The following EIF4G3 variants were observed in gnomAD, a reference collection of about 807,000 sequenced individuals.
EIF4G3 encodes the protein eIF-4-gamma 3.
EIF4G3 carries 34 observed loss-of-function variants against 186.4 expected under a neutral mutation model. That is an observed-to-expected ratio of 0.18 (90% CI 0.14 to 0.24). The LOEUF (loss-of-function observed/expected upper bound fraction) is 0.24, where lower values mean the gene tolerates loss of function less well. Ranked by LOEUF, EIF4G3 falls within the 10% of genes least tolerant of loss-of-function variation. The pLI is 1.00. For missense variants in EIF4G3, 1,536 were observed against 1,948.5 expected (o/e 0.79, Z 3.99); for synonymous variants, 673 against 679.5 (o/e 0.99, Z 0.15).
intron 30 of EIF4G3, among the ~76,000 whole-genome samples, chr1:20,833,949 T>C (rs1036247344): frequency 2.6e-5 from 4 of 152,100 alleles, no homozygotes; most frequent in African/African-American, 9.7e-5. Flanking sequence ...AAGAAAAATA[T>C]TTAAAAATTT....
rs190677228 is a variant in EIF4G3, at chr1:20,859,298, T to C, written c.3244+1087A>G. 6.6e-5 allele frequency among the ~76,000 whole-genome samples: 10 copies of C among 152,300 alleles called. No individual in the cohort carries two copies. In the East Asian group the frequency reaches 1.9e-3, roughly 29 times the overall value. ...ATCTGGTTCAATAATAAATAAAAGTTATTACCCAAAAGGCACTGCACTAGG... is the reference window on the plus strand; with the variant it reads ...ATCTGGTTCAATAATAAATAAAAGTCATTACCCAAAAGGCACTGCACTAGG... On this transcript the variant is annotated intron_variant, in intron 24 of 36. Coordinates refer to ENST00000602326, the MANE Select transcript of EIF4G3 (RefSeq NM_001391906.1).
intron 7 of EIF4G3, chr1:20,988,549 T>C (rs1184871456): frequency 2.0e-5 from 3 of 153,512 alleles, no homozygotes; most frequent in Non-Finnish European, 4.4e-5. Context: ...CTATGCCCTA[T>C]AAATAAAATA....
At chr1:21,173,388 G>A (rs557374344) in intron 2 of EIF4G3, among the ~76,000 whole-genome samples, 1 of 152,052 alleles carries the variant, frequency 6.6e-6, no homozygotes, top group African/African-American at 2.4e-5. Flanking sequence ...GTAGAGACCA[G>A]GTTTCACCAG....
chr1:20,949,859 T>G, intron 13 of EIF4G3, 144 bp downstream of exon 13: 1 of 633,958 alleles, frequency 1.6e-6, no homozygotes, highest in Admixed American at 3.0e-5. Flanking sequence ...CAGAATACTT[T>G]AATTTTCTGC....
At chr1:20,983,900 C>T (rs575543678) in intron 7 of EIF4G3, among the ~76,000 whole-genome samples, 4 of 152,174 alleles carry the variant, frequency 2.6e-5, no homozygotes, top group Admixed American at 1.3e-4. Flanking sequence ...AAAATAGATA[C>T]GGGCAATGTT....
intron 2 of EIF4G3, among the ~76,000 whole-genome samples, chr1:21,147,216 C>T (rs2097458471): frequency 6.6e-6 from 1 of 151,546 alleles, no homozygotes; most frequent in African/African-American, 2.4e-5. Context: ...GAGCCAAGAT[C>T]GTGCCACTGC....
At chr1:20,960,437 G>C (rs894486207) in intron 12 of EIF4G3, among the ~76,000 whole-genome samples, 3 of 152,052 alleles carry the variant, frequency 2.0e-5, no homozygotes, top group African/African-American at 7.2e-5. Context: ...CTGAACTCTA[G>C]CCTGGGCAAC....
intron 2 of EIF4G3, among the ~76,000 whole-genome samples, chr1:21,165,057 G>T (rs915188575): frequency 3.9e-5 from 6 of 152,036 alleles, no homozygotes; most frequent in Non-Finnish European, 7.4e-5. Flanking sequence ...ACACAAACAT[G>T]GCCAAATACA....
At chr1:20,847,425 C>T (rs1324648452) in intron 29 of EIF4G3, among the ~76,000 whole-genome samples, 1 of 152,126 alleles carries the variant, frequency 6.6e-6, no homozygotes, top group Non-Finnish European at 1.5e-5. Flanking sequence ...AAAGAGTCCT[C>T]CTATTGTACT....
rs1299628977 is a variant in EIF4G3, at chr1:20,941,509, T to G, written c.1645A>C (p.Arg549=). ...EILDSQNLNS[R]RSPVPAQIAI... Reference sequence around the variant, plus strand: ...GGCTTACCTGGGACAGGGCTCCTTCTTGAATTTAAGTTTTGAGAATCCAAA... The same window carrying G: ...GGCTTACCTGGGACAGGGCTCCTTCGTGAATTTAAGTTTTGAGAATCCAAA... Residue 549 remains arginine (R), a synonymous_variant, in exon 14 of 37, where the codon AGA becomes CGA. Coordinates refer to ENST00000602326, the MANE Select transcript of EIF4G3 (RefSeq NM_001391906.1). 1 of 1,610,088 alleles carries G rather than the reference T, an allele frequency of 6.2e-7. No homozygotes were observed.
At chr1:21,121,645 C>G (rs570630818) in intron 2 of EIF4G3, among the ~76,000 whole-genome samples, 6 of 152,008 alleles carry the variant, frequency 3.9e-5, no homozygotes, top group African/African-American at 1.4e-4. Flanking sequence ...CGTGGTGGTG[C>G]ACACCTGTAG....
At chr1:21,091,836 T>A (rs2096213911) in intron 2 of EIF4G3, among the ~76,000 whole-genome samples, 1 of 152,224 alleles carries the variant, frequency 6.6e-6, no homozygotes, top group Admixed American at 6.5e-5. Context: ...TTTTGCACAT[T>A]GATTTTGTAT....
intron 4 of EIF4G3, among the ~76,000 whole-genome samples, chr1:21,021,273 T>G (rs1280513613): frequency 4.6e-5 from 7 of 152,058 alleles, no homozygotes; most frequent in Admixed American, 4.6e-4. Flanking sequence ...CATAAACCAC[T>G]GTGCCCAGCC....
chr1:21,115,106 G>A lies in EIF4G3; in HGVS notation c.-271-25893C>T, dbSNP rs186380466. Among the ~76,000 whole-genome samples the A allele has an allele frequency of 1.8e-4, 27 of 152,308 alleles. 1 individual carries two copies. Among genetic ancestry groups the A allele is most frequent in the Admixed American group, 1.7e-3 (26 of 15,302 alleles). On this transcript the variant is annotated intron_variant, in intron 2 of 36. Transcript: ENST00000602326. ...ATATCTTAGTATAATCTTATCATGT[G>A]TTCACTGGAGCAGCCCTTTTAATTT...
chr1:21,100,559 T>C lies in EIF4G3; in HGVS notation c.-271-11346A>G, dbSNP rs569823375. On this transcript the variant is annotated intron_variant, in intron 2 of 36. Transcript: ENST00000602326. ...GTTTCATCATCATGATCCGGTTCAA[T>C]AGACTTAAAAAAAGTATGGCTTGCC... is the stretch of plus-strand genomic sequence containing the variant. Among the ~76,000 whole-genome samples, 13 of 152,220 alleles carry C rather than the reference T, an allele frequency of 8.5e-5. No individual in the cohort carries two copies. The East Asian group carries it at 1.5e-3, about 18-fold the overall frequency.
At chr1:21,034,302 C>G (rs2092998912) in intron 4 of EIF4G3, among the ~76,000 whole-genome samples, 1 of 152,128 alleles carries the variant, frequency 6.6e-6, no homozygotes, top group South Asian at 2.1e-4. Context: ...TTAATTGTAA[C>G]TTTTGGAAAT....
At chr1:20,815,026 C>T (rs1460950128) in intron 34 of EIF4G3, among the ~76,000 whole-genome samples, 1 of 74,244 alleles carries the variant, frequency 1.3e-5, no homozygotes, top group Admixed American at 1.6e-4. Context: ...CGCGAGTGAT[C>T]CGCCAGCCTC....
chr1:21,024,643 G>T (rs1264411940), intron 4 of EIF4G3, among the ~76,000 whole-genome samples: 2 of 150,260 alleles, frequency 1.3e-5, no homozygotes, highest in East Asian at 3.9e-4. Flanking sequence ...GGGTTAAATG[G>T]ATTAAGGGCG....
intron 30 of EIF4G3, among the ~76,000 whole-genome samples, chr1:20,837,725 CCT>C (rs1315396461): frequency 6.6e-6 from 1 of 152,110 alleles, no homozygotes; most frequent in East Asian, 1.9e-4. Context: ...AATGAAATGG[CCT>C]CTCTAGACAG....
Sources: allele counts gnomAD v4.1 joint callset (sites outside exome capture counted in the v4.1 genomes callset), GRCh38; gene constraint gnomAD v4.1.1; transcripts MANE v1.5; gene names NCBI Gene and HGNC (gene_info 2026-07-23, HGNC 2026-07-21).